Variants in RUNX2 observed in about 807,000 individuals in gnomAD.
RUNX2 encodes runt-related transcription factor 2.
In RUNX2, 10 loss-of-function variants were observed where a neutral mutation model predicts 51.7. The observed-to-expected ratio is 0.19, with a 90% CI of 0.12 to 0.33. The LOEUF is 0.33. Among genes scored for constraint, RUNX2 ranks in the 10% least tolerant of loss-of-function variants. The pLI, the probability that RUNX2 is intolerant of heterozygous loss-of-function variation, is 1.00. For missense variants in RUNX2, 562 were observed against 691.3 expected (o/e 0.81, Z 2.10); for synonymous variants, 276 against 273.6 (o/e 1.01, Z -0.09).
chr6:45,346,314 T>C (rs1350665472), intron 2 of RUNX2, among the ~76,000 whole-genome samples: 3 of 152,032 alleles, frequency 2.0e-5, no homozygotes, highest in Non-Finnish European at 4.4e-5. Flanking sequence ...GAAAGCCCAA[T>C]AAATAAAATA....
chr6:45,348,406 C>T (rs1183052980), intron 2 of RUNX2, among the ~76,000 whole-genome samples: 5 of 151,542 alleles, frequency 3.3e-5, no homozygotes, highest in Non-Finnish European at 7.4e-5. Flanking sequence ...GTGGCTCACG[C>T]CTGTAATCCC....
intron 2 of RUNX2, among the ~76,000 whole-genome samples, chr6:45,416,118 A>G (rs2150358908): frequency 6.6e-6 from 1 of 152,364 alleles, no homozygotes; most frequent in African/African-American, 2.4e-5. Flanking sequence ...TATGAAATCC[A>G]GAATAGCAAA....
At chr6:45,432,137 A>G (rs1798559591) in intron 4 of RUNX2, 118 bp downstream of exon 4, 4 of 1,005,530 alleles carry the variant, frequency 4.0e-6, no homozygotes, top group Non-Finnish European at 6.1e-6. Context: ...ATTACTGAAG[A>G]TTTGATTTAA....
At chr6:45,397,459 G>T (rs1432585107) in intron 2 of RUNX2, among the ~76,000 whole-genome samples, 1 of 152,086 alleles carries the variant, frequency 6.6e-6, no homozygotes, top group Non-Finnish European at 1.5e-5. Context: ...GTAGCAGTTT[G>T]GAAATGGTAC....
intron 2 of RUNX2, among the ~76,000 whole-genome samples, chr6:45,360,883 G>A (rs559262308): frequency 3.9e-5 from 6 of 152,144 alleles, no homozygotes; most frequent in East Asian, 1.9e-4. Context: ...GGAATTTTTC[G>A]CATCCTATTG....
chr6:45,368,062 G>GCAC (rs2150293945), intron 2 of RUNX2, among the ~76,000 whole-genome samples: 1 of 151,514 alleles, frequency 6.6e-6, no homozygotes, highest in East Asian at 2.0e-4. Context: ...AAAAGCAGAA[G>GCAC]CACTCAAGTC....
chr6:45,427,039 A>T (rs1798401870), intron 3 of RUNX2, among the ~76,000 whole-genome samples: 1 of 152,176 alleles, frequency 6.6e-6, no homozygotes, highest in Non-Finnish European at 1.5e-5. Context: ...AAATCAATAG[A>T]TTTCAAGTTG....
At chr6:45,536,673 G>A (rs1288365801) in intron 7 of RUNX2, among the ~76,000 whole-genome samples, 1 of 152,206 alleles carries the variant, frequency 6.6e-6, no homozygotes, top group Non-Finnish European at 1.5e-5. Flanking sequence ...CATCTCTCCT[G>A]GACCAGTGCT....
intron 5 of RUNX2, among the ~76,000 whole-genome samples, chr6:45,464,604 C>A (rs958976483): frequency 2.0e-5 from 3 of 152,172 alleles, no homozygotes; most frequent in African/African-American, 7.2e-5. Flanking sequence ...GCTGGAAAAA[C>A]CAGCTTAGGT....
intron 5 of RUNX2, among the ~76,000 whole-genome samples, chr6:45,466,977 A>G (rs976804436): frequency 6.6e-6 from 1 of 152,132 alleles, no homozygotes; most frequent in Non-Finnish European, 1.5e-5. Flanking sequence ...CTAACCACCA[A>G]ACTTCTGGAA....
At chr6:45,423,426 C>T (rs924316795) in intron 3 of RUNX2, among the ~76,000 whole-genome samples, 22 of 152,112 alleles carry the variant, frequency 1.4e-4, no homozygotes, top group Non-Finnish European at 2.5e-4. Flanking sequence ...TTGCGGGCTG[C>T]CCGCGCAGCC....
At chr6:45,343,909 C>A (rs1176891856) in intron 2 of RUNX2, among the ~76,000 whole-genome samples, 1 of 152,174 alleles carries the variant, frequency 6.6e-6, no homozygotes, top group African/African-American at 2.4e-5. Flanking sequence ...CTCCACCTGA[C>A]AGGTCTACAG....
At chr6:45,489,754 C>G (rs958592407) in intron 5 of RUNX2, among the ~76,000 whole-genome samples, 1 of 152,158 alleles carries the variant, frequency 6.6e-6, no homozygotes, top group Non-Finnish European at 1.5e-5. Flanking sequence ...GTGACAAGTA[C>G]TATATAATTC....
chr6:45,474,948 C>T (rs1172477084), intron 5 of RUNX2, among the ~76,000 whole-genome samples: 1 of 151,716 alleles, frequency 6.6e-6, no homozygotes, highest in Admixed American at 6.6e-5. Flanking sequence ...CATCTCTGGC[C>T]CATCACATGG....
At chr6:45,405,703 C>T (rs2150354310) in intron 2 of RUNX2, among the ~76,000 whole-genome samples, 1 of 152,226 alleles carries the variant, frequency 6.6e-6, no homozygotes, top group African/African-American at 2.4e-5. Flanking sequence ...AGGAGAATCA[C>T]TTGAACCCAG....
intron 2 of RUNX2, among the ~76,000 whole-genome samples, chr6:45,419,028 G>A (rs527427674): frequency 4.6e-5 from 7 of 152,270 alleles, no homozygotes; most frequent in Admixed American, 1.3e-4. Flanking sequence ...GGACTGCATA[G>A]TTTGCTATCC....
At chr6:45,357,610 G>A (rs902191953) in intron 2 of RUNX2, among the ~76,000 whole-genome samples, 1 of 152,142 alleles carries the variant, frequency 6.6e-6, no homozygotes, top group East Asian at 1.9e-4. Flanking sequence ...TTACAGACAT[G>A]AGCTACCACA....
intron 2 of RUNX2, among the ~76,000 whole-genome samples, chr6:45,408,931 A>G (rs1335823025): frequency 4.6e-5 from 7 of 152,142 alleles, no homozygotes. Flanking sequence ...TCAGTTTAAG[A>G]CCTTATGAAT....
At chr6:45,544,013 A>G (rs1488359134) in intron 7 of RUNX2, among the ~76,000 whole-genome samples, 1 of 151,506 alleles carries the variant, frequency 6.6e-6, no homozygotes, top group African/African-American at 2.4e-5. Flanking sequence ...ATGTTGCAAA[A>G]TGTTTCAGGA....
Sources: gnomAD v4.1 joint callset for allele counts (sites outside exome capture counted in the v4.1 genomes callset) on GRCh38, gnomAD v4.1.1 for gene constraint, MANE v1.5 for transcripts, NCBI Gene and HGNC (gene_info 2026-07-23, HGNC 2026-07-21) for gene names.